The following TRIM66 variants were observed in gnomAD, a reference collection of about 807,000 sequenced individuals.
TRIM66 encodes the protein tripartite motif containing 66.
TRIM66 carries 99 observed loss-of-function variants against 148.2 expected under a neutral mutation model. That is an observed-to-expected ratio of 0.67 (90% CI 0.57 to 0.79). The LOEUF is 0.79. Ranked by LOEUF, TRIM66 falls within the 30% of genes least tolerant of loss-of-function variation. TRIM66 has a pLI of 0.00. For missense variants in TRIM66, 1,666 were observed against 1,697.9 expected (o/e 0.98, Z 0.33); for synonymous variants, 616 against 635.9 (o/e 0.97, Z 0.47).
In TRIM66 at chr11:8,616,245, G is replaced by GCA. The variant is rs2033711881; in HGVS notation, c.*1698_*1699insTG. The GCA allele has an allele frequency of 6.6e-6, 1 of 152,228 alleles. No homozygotes were observed. Among genetic ancestry groups the GCA allele is most frequent in the Non-Finnish European group, 1.5e-5 (1 of 68,052 alleles). The allele number at this position is 152,228 out of a possible 1,614,324, so 9.4% of individuals were successfully genotyped here. A position where few individuals can be genotyped will look rare whatever the true frequency, so the allele number is the denominator to read the frequency against. On this transcript the variant is annotated 3_prime_UTR_variant, in exon 25 of 25. Coordinates refer to ENST00000646038, the MANE Select transcript of TRIM66 (RefSeq NM_001388022.1). Reference sequence around the variant, plus strand: ...GGGGCATGGTTTGCTTTAAAGTGAAGATGATCTCTCAGGTTGGGTAGAGAA... The same window carrying GCA: ...GGGGCATGGTTTGCTTTAAAGTGAAGCAATGATCTCTCAGGTTGGGTAGAGAA...
rs1014866355 is a variant in TRIM66, at chr11:8,619,437, C to T, written c.3846G>A (p.Glu1282=). ...KKDPAHYTTP[E]EVVSDVRLMF... ...TGAGGCGCACATCTGATACCACCTC[C>T]TCTGGGGTGGTATAGTGAGCTGGGT... is the stretch of plus-strand genomic sequence containing the variant. The change falls in exon 23 of 25, where the codon GAG becomes GAA. Residue 1282 remains glutamate (E), a synonymous_variant. Coordinates refer to ENST00000646038, the MANE Select transcript of TRIM66 (RefSeq NM_001388022.1). 3 of 1,550,338 alleles carry T rather than the reference C, an allele frequency of 1.9e-6. No homozygotes were observed. In the African/African-American group the frequency reaches 4.1e-5, roughly 21 times the overall value.
At position 8,613,014 on chromosome 11, in the gene TRIM66, CAG is replaced by C. The variant is rs2033492291; in HGVS notation, c.*4928_*4929del. ...AAACCTCTGTGTTGTCTGGGAGAGA[CAG>C]AGGGAAGGACTCACAGATGCTGTCC... On this transcript the variant is annotated 3_prime_UTR_variant, in exon 25 of 25. Transcript: ENST00000646038. 1 of 152,188 alleles carries C rather than the reference CAG, an allele frequency of 6.6e-6. No homozygotes were observed. The highest frequency in any genetic ancestry group is 2.1e-4 in the South Asian group (1 of 4,828). 9.4% of individuals were successfully genotyped at this position (152,188 alleles called of 1,614,324 possible). A position where few individuals can be genotyped will look rare whatever the true frequency, so the allele number is the denominator to read the frequency against.
At position 8,640,774 on chromosome 11, in the gene TRIM66, G is replaced by C; in HGVS notation, c.1601C>G (p.Thr534Ser). 1 of 1,551,296 alleles carries C rather than the reference G, an allele frequency of 6.4e-7. No individual in the cohort carries two copies. The highest frequency in any genetic ancestry group is 2.4e-5 in the East Asian group (1 of 40,912). Residue 534 changes from threonine (T) to serine (S), a missense_variant, in exon 14 of 25, where the codon ACC becomes AGC. This residue lies in a region of TRIM66 where 1,431 missense variants were observed against 1,412.4 expected (regional missense o/e 1.01). Transcript: ENST00000646038. ...PPKLLQPWLE[T>S]QPPVEQESTS... ...GCTCTCCTGCTCCACGGGGGGCTGGGTTTCCAGCCAGGGCTGCAGCAGCTT... is the reference window on the plus strand; with the variant it reads ...GCTCTCCTGCTCCACGGGGGGCTGGCTTTCCAGCCAGGGCTGCAGCAGCTT...
At chr11:8,648,140 T>C in intron 9 of TRIM66, 54 bp from the exon 10 acceptor site, 1 of 1,448,460 alleles carries the variant, frequency 6.9e-7, no homozygotes, top group Non-Finnish European at 9.5e-7. Context: ...ACTTTGAGCA[T>C]GCCAACCAAG....
chr11:8,642,336 T>G (rs1306015951), intron 13 of TRIM66, among the ~76,000 whole-genome samples: 1 of 152,178 alleles, frequency 6.6e-6, no homozygotes, highest in Non-Finnish European at 1.5e-5. Flanking sequence ...AACCTACATA[T>G]CATTTGTCAC....
chr11:8,622,336 C>A (rs868205147), intron 18 of TRIM66, among the ~76,000 whole-genome samples: 1 of 47,512 alleles, frequency 2.1e-5, no homozygotes, highest in African/African-American at 6.3e-5. Flanking sequence ...TACACACACA[C>A]ACAACACACA....
chr11:8,672,406 A>G, intron 4 of TRIM66, 21 bp from the exon 5 acceptor site: 1 of 1,488,212 alleles, frequency 6.7e-7, no homozygotes, highest in Non-Finnish European at 8.9e-7. Flanking sequence ...ATTTTGGAAA[A>G]AGGAAGAAAA....
intron 22 of TRIM66, 48 bp from the exon 23 acceptor site, chr11:8,619,583 G>A: frequency 6.8e-7 from 1 of 1,459,962 alleles, no homozygotes; most frequent in African/African-American, 1.4e-5. Context: ...AGTGAGAGAA[G>A]AAATGGAGGT....
chr11:8,640,309 T>C lies in TRIM66; in HGVS notation c.2066A>G (p.Gln689Arg). The change falls in exon 14 of 25, where the codon CAG becomes CGG. Residue 689 changes from glutamine to arginine, a missense_variant. Coordinates refer to ENST00000646038, the MANE Select transcript of TRIM66 (RefSeq NM_001388022.1). ...LSQTKSPQHL[Q>R]QTIVGQINYI... Reference sequence around the variant, plus strand: ...GTTGATCTGCCCCACAATGGTTTGCTGAAGATGCTGAGGAGATTTGGTCTG... The same window carrying C: ...GTTGATCTGCCCCACAATGGTTTGCCGAAGATGCTGAGGAGATTTGGTCTG... The C allele has an allele frequency of 6.4e-7, 1 of 1,551,706 alleles. No homozygotes were observed. The highest frequency in any genetic ancestry group is 8.7e-7 in the Non-Finnish European group (1 of 1,147,006).
At chr11:8,622,353 C>CATATATATATATATATATAT (rs1181138142) in intron 18 of TRIM66, among the ~76,000 whole-genome samples, 3 of 54,242 alleles carry the variant, frequency 5.5e-5, no homozygotes, top group Non-Finnish European at 1.5e-4. Flanking sequence ...CACACACACA[C>CATATATATATATATATATAT]ACACACACAC....
intron 6 of TRIM66, among the ~76,000 whole-genome samples, chr11:8,660,170 C>T (rs1371200461): frequency 6.6e-6 from 1 of 152,212 alleles, no homozygotes; most frequent in Non-Finnish European, 1.5e-5. Context: ...CCACTGTCCA[C>T]AGAATAGCTT....
intron 4 of TRIM66, among the ~76,000 whole-genome samples, chr11:8,672,974 C>T (rs182554306): frequency 7.6e-6 from 1 of 130,986 alleles, no homozygotes; most frequent in Non-Finnish European, 1.6e-5. Context: ...GAGTCTTGCT[C>T]TGTTGCCCAG....
rs537700188 is a variant in TRIM66, at chr11:8,629,419, T to A, written c.2311-4191A>T. Among the ~76,000 whole-genome samples the A allele has an allele frequency of 3.9e-5, 6 of 152,310 alleles. No homozygotes were observed. In the East Asian group the frequency reaches 7.7e-4, roughly 20 times the overall value. The stretch of plus-strand genomic sequence containing the variant: ...ATATAGATGTCTCTTCTTAGTGAGA[T>A]CCTTGTTGCCAAGCATTAAGAGCAC... On this transcript the variant is annotated intron_variant, in intron 15 of 24. Coordinates refer to ENST00000646038, the MANE Select transcript of TRIM66 (RefSeq NM_001388022.1).
At chr11:8,648,366 A>T in intron 9 of TRIM66, 50 bp downstream of exon 9, 1 of 1,539,316 alleles carries the variant, frequency 6.5e-7, no homozygotes, top group Non-Finnish European at 8.8e-7. Flanking sequence ...CTCACAAGTA[A>T]GAAATCCAGA....
At chr11:8,627,113 A>C (rs971479149) in intron 15 of TRIM66, among the ~76,000 whole-genome samples, 1 of 152,204 alleles carries the variant, frequency 6.6e-6, no homozygotes, top group African/African-American at 2.4e-5. Context: ...ACAATCCGTG[A>C]TATCATTTGA....
intron 14 of TRIM66, among the ~76,000 whole-genome samples, chr11:8,639,144 G>T (rs1455542114): frequency 2.0e-5 from 3 of 152,180 alleles, no homozygotes; most frequent in Non-Finnish European, 4.4e-5. Flanking sequence ...CCATCACATG[G>T]ATTATTCTAT....
chr11:8,673,834 T>C (rs1430375272), intron 4 of TRIM66, among the ~76,000 whole-genome samples: 2 of 152,238 alleles, frequency 1.3e-5, no homozygotes, highest in Non-Finnish European at 2.9e-5. Flanking sequence ...AATCATTTAA[T>C]TCAAATCTGG....
intron 6 of TRIM66, among the ~76,000 whole-genome samples, chr11:8,662,898 T>A (rs1260363918): frequency 1.3e-5 from 2 of 152,208 alleles, no homozygotes; most frequent in African/African-American, 4.8e-5. Flanking sequence ...GTTTCAGGGA[T>A]GTTAGCTCCC....
intron 7 of TRIM66, 110 bp downstream of exon 7, chr11:8,651,690 G>A (rs372652616): frequency 2.2e-6 from 2 of 895,670 alleles, no homozygotes; most frequent in East Asian, 2.6e-5. Context: ...AAAACTGATG[G>A]AGAAGTAACA....
Sources: allele counts gnomAD v4.1 joint callset (sites outside exome capture counted in the v4.1 genomes callset), GRCh38; gene constraint gnomAD v4.1.1; regional missense constraint gnomAD v4.1.1; transcripts MANE v1.5; gene names NCBI Gene and HGNC (gene_info 2026-07-23, HGNC 2026-07-21).